CCSER1: variants seen among roughly 807,000 people sequenced by gnomAD.
CCSER1 encodes serine-rich coiled-coil domain-containing protein 1.
CCSER1 carries 41 observed loss-of-function variants against 82.0 expected under a neutral mutation model. That is an observed-to-expected ratio of 0.50 (90% CI 0.39 to 0.65). The LOEUF is 0.65. CCSER1 is among the 30% of genes least tolerant of loss of function. The pLI is 0.00. For synonymous variants in CCSER1, 414 were observed against 383.9 expected (o/e 1.08, Z -0.92); for missense variants, 1,119 against 1,064.2 (o/e 1.05, Z -0.72).
At chr4:90,734,355 G>C (rs1230128934) in intron 7 of CCSER1, among the ~76,000 whole-genome samples, 2 of 152,056 alleles carry the variant, frequency 1.3e-5, no homozygotes. Flanking sequence ...TCGATCTCCT[G>C]ACCTCGTGAT....
intron 5 of CCSER1, among the ~76,000 whole-genome samples, chr4:90,536,529 C>T (rs1775389994): frequency 6.6e-6 from 1 of 152,244 alleles, no homozygotes; most frequent in African/African-American, 2.4e-5. Context: ...CTAGAGGCAA[C>T]CAGGTATTCA....
intron 9 of CCSER1, among the ~76,000 whole-genome samples, chr4:91,045,894 A>G (rs13107322): frequency 0.5 from 56,947 of 113,730 alleles, 11,503 homozygotes; most frequent in East Asian, 0.69. Flanking sequence ...GAGAGTCAGC[A>G]AAGGGAGATA....
chr4:90,427,845 A>G (rs1300111611), intron 4 of CCSER1, among the ~76,000 whole-genome samples: 1 of 151,896 alleles, frequency 6.6e-6, no homozygotes, highest in Non-Finnish European at 1.5e-5. Context: ...CTATACTCTT[A>G]ATGATTAGAA....
chr4:90,264,554 T>C (rs11940793), intron 1 of CCSER1, among the ~76,000 whole-genome samples: 1,902 of 152,294 alleles, frequency 0.012, 51 homozygotes, highest in African/African-American at 0.043. Flanking sequence ...ATCCTTCATA[T>C]TGTGTTACTT....
At chr4:91,160,116 G>A (rs958163858) in intron 10 of CCSER1, among the ~76,000 whole-genome samples, 6 of 151,354 alleles carry the variant, frequency 4.0e-5, no homozygotes, top group Non-Finnish European at 7.4e-5. Context: ...TCATTGTTCA[G>A]TTCCCACCTA....
chr4:91,431,125 A>G (rs1435283018), intron 10 of CCSER1, among the ~76,000 whole-genome samples: 2 of 152,058 alleles, frequency 1.3e-5, no homozygotes, highest in Non-Finnish European at 2.9e-5. Context: ...AGTCCCAGCT[A>G]CTCGGCAGGC....
chr4:90,213,543 G>A (rs1369595654), intron 1 of CCSER1, among the ~76,000 whole-genome samples: 1 of 152,122 alleles, frequency 6.6e-6, no homozygotes, highest in East Asian at 1.9e-4. Flanking sequence ...GCAGAGGGGT[G>A]TACATAATAA....
At chr4:91,574,122 G>T (rs1002874294) in intron 10 of CCSER1, among the ~76,000 whole-genome samples, 2 of 151,808 alleles carry the variant, frequency 1.3e-5, no homozygotes, top group African/African-American at 4.8e-5. Context: ...AATTTCAAGA[G>T]AAATTTTCAC....
chr4:90,630,362 C>A (rs1033468406), intron 6 of CCSER1, among the ~76,000 whole-genome samples: 1 of 152,134 alleles, frequency 6.6e-6, no homozygotes, highest in Non-Finnish European at 1.5e-5. Flanking sequence ...AAAGAGCTGA[C>A]AGAAGGTGTC....
At chr4:90,561,816 T>G (rs10022330) in intron 5 of CCSER1, among the ~76,000 whole-genome samples, 1 of 152,140 alleles carries the variant, frequency 6.6e-6, no homozygotes, top group Non-Finnish European at 1.5e-5. Flanking sequence ...TACATAACTA[T>G]TTTTACTTTA....
intron 9 of CCSER1, among the ~76,000 whole-genome samples, chr4:90,933,180 T>C (rs1442293323): frequency 9.7e-6 from 1 of 102,642 alleles, no homozygotes; most frequent in Non-Finnish European, 1.9e-5. Flanking sequence ...TGTGTGTGTG[T>C]GTGATTTTAT....
chr4:90,670,766 C>G (rs1043594967), intron 6 of CCSER1, among the ~76,000 whole-genome samples: 1 of 151,942 alleles, frequency 6.6e-6, no homozygotes, highest in Non-Finnish European at 1.5e-5. Flanking sequence ...CTGTTAGCTA[C>G]TGAAAAGTAA....
intron 3 of CCSER1, among the ~76,000 whole-genome samples, chr4:90,378,524 A>G (rs1370476570): frequency 6.6e-6 from 1 of 152,162 alleles, no homozygotes; most frequent in African/African-American, 2.4e-5. Flanking sequence ...TTCTAATTGC[A>G]TTGTGAAGTT....
In CCSER1 at chr4:90,931,965, G is replaced by A. The variant is rs151053799; in HGVS notation, c.2172+8518G>A. Among the ~76,000 whole-genome samples the A allele has an allele frequency of 6.2e-3, 949 of 152,172 alleles. 6 individuals carry two copies. Among genetic ancestry groups the A allele is most frequent in the African/African-American group, 0.021 (853 of 41,534 alleles). On this transcript the variant is annotated intron_variant, in intron 9 of 10. Coordinates refer to ENST00000509176, the MANE Select transcript of CCSER1 (RefSeq NM_001145065.2). ...TAAAGGGATTTTTAACTTATAAAAAGCCATAGAGAGCTAAAGGGAAAATAT... is the reference window on the plus strand; with the variant it reads ...TAAAGGGATTTTTAACTTATAAAAAACCATAGAGAGCTAAAGGGAAAATAT...
intron 7 of CCSER1, among the ~76,000 whole-genome samples, chr4:90,777,994 T>C (rs1022411386): frequency 2.0e-5 from 3 of 152,140 alleles, no homozygotes; most frequent in Non-Finnish European, 4.4e-5. Context: ...GTTGATCTTG[T>C]TTGTCATAGT....
At chr4:91,161,754 C>G (rs190362242) in intron 10 of CCSER1, among the ~76,000 whole-genome samples, 37 of 151,890 alleles carry the variant, frequency 2.4e-4, no homozygotes, top group Admixed American at 2.3e-3. Flanking sequence ...CATTGATTTT[C>G]TATCCTGAGA....
chr4:90,305,200 G>T (rs921016948), intron 1 of CCSER1, among the ~76,000 whole-genome samples: 2 of 152,182 alleles, frequency 1.3e-5, no homozygotes, highest in Non-Finnish European at 2.9e-5. Flanking sequence ...ACAGGCGTGA[G>T]CCACCGCGCC....
intron 3 of CCSER1, among the ~76,000 whole-genome samples, chr4:90,392,562 A>G (rs1751364329): frequency 6.6e-6 from 1 of 152,116 alleles, no homozygotes; most frequent in Non-Finnish European, 1.5e-5. Flanking sequence ...ACACACAGCA[A>G]TCCAAACTAA....
At chr4:91,593,493 T>TTA (rs1421860268) in intron 10 of CCSER1, among the ~76,000 whole-genome samples, 2 of 146,416 alleles carry the variant, frequency 1.4e-5, no homozygotes, top group East Asian at 2.0e-4. Context: ...TTTTTTTTTT[T>TTA]AGTACAGACA....
Sources: gnomAD v4.1 joint callset for allele counts (sites outside exome capture counted in the v4.1 genomes callset) on GRCh38, gnomAD v4.1.1 for gene constraint, MANE v1.5 for transcripts, NCBI Gene and HGNC (gene_info 2026-07-23, HGNC 2026-07-21) for gene names.